Variants in ING3 observed in about 807,000 individuals in gnomAD.
ING3 encodes inhibitor of growth family member 3.
In ING3, 6 loss-of-function variants were observed where a neutral mutation model predicts 64.8. That is an observed-to-expected ratio of 0.09 (90% CI 0.05 to 0.18). The LOEUF is 0.18. Ranked by LOEUF, ING3 falls within the 10% of genes least tolerant of loss-of-function variation. The pLI, the probability that ING3 is intolerant of heterozygous loss-of-function variation, is 1.00. For missense variants in ING3, 310 were observed against 489.7 expected, an observed-to-expected ratio of 0.63 and a Z score of 3.46; for synonymous variants, 170 against 173.7, an observed-to-expected ratio of 0.98 and a Z score of 0.17.
chr7:120,964,968 G>A lies in ING3; in HGVS notation c.364+130G>A, dbSNP rs376308125. ...TGGTGGCATCCAGGCCAGATAGCTT[G>A]GACCCTAACAGTTGGAAATGTTTGG... On this transcript the variant is annotated intron_variant, in intron 5 of 11. Coordinates refer to ENST00000315870, the MANE Select transcript of ING3 (RefSeq NM_019071.3). 27 of 658,582 alleles carry A rather than the reference G, an allele frequency of 4.1e-5. No individual in the cohort carries two copies. The East Asian group carries it at 4.9e-4, about 12-fold the overall frequency. 40.8% of individuals were successfully genotyped at this position (658,582 alleles called of 1,614,324 possible).
chr7:120,973,948 C>G (rs561210473), intron 11 of ING3, among the ~76,000 whole-genome samples: 5 of 152,132 alleles, frequency 3.3e-5, no homozygotes, highest in African/African-American at 9.7e-5. Context: ...AAAATGTGTA[C>G]TTTTCCTAGA....
At position 120,966,757 on chromosome 7, in the gene ING3, A is replaced by G. The variant is rs567918576; in HGVS notation, c.436+60A>G. 8 of 1,182,330 alleles carry G rather than the reference A, an allele frequency of 6.8e-6. No individual in the cohort carries two copies. The East Asian group carries it at 7.0e-5, about 10-fold the overall frequency. The allele number at this position is 1,182,330 out of a possible 1,614,324, so 73.2% of individuals were successfully genotyped here. A position where few individuals can be genotyped will look rare whatever the true frequency, so the allele number is the denominator to read the frequency against. On this transcript the variant is annotated intron_variant, in intron 6 of 11. Transcript: ENST00000315870. ...CAATGAAAACCTTATTATATCACCT[A>G]TATGTTCTCTTTTTTTAACTCTACA...
chr7:120,961,739 T>C (rs1247321943), intron 4 of ING3, among the ~76,000 whole-genome samples: 2 of 152,170 alleles, frequency 1.3e-5, no homozygotes, highest in African/African-American at 2.4e-5. Flanking sequence ...CTAGAAAAAT[T>C]ATAGGAGTTT....
intron 4 of ING3, among the ~76,000 whole-genome samples, chr7:120,959,041 T>C (rs954849951): frequency 3.3e-5 from 5 of 152,252 alleles, no homozygotes; most frequent in Non-Finnish European, 7.3e-5. Flanking sequence ...CCATTCGTTT[T>C]GTCTTGCCAT....
chr7:120,974,799 A>T lies in ING3; in HGVS notation c.1212A>T (p.Pro404=). Residue 404 remains proline (P), a synonymous_variant, in exon 12 of 12, where the codon CCA becomes CCT. Transcript: ENST00000315870. ...TEAPKGKWYC[P]QCTAAMKRRG... ...CACCAAAAGGCAAATGGTACTGTCC[A>T]CAGTGCACTGCTGCAATGAAGAGAA... 6.2e-7 allele frequency: 1 copy of T among 1,612,892 alleles called. No homozygotes were observed. Among genetic ancestry groups the T allele is most frequent in the Non-Finnish European group, 8.5e-7 (1 of 1,179,102 alleles).
chr7:120,970,612 T>C, intron 9 of ING3, 76 bp from the exon 10 acceptor site: 1 of 1,405,000 alleles, frequency 7.1e-7, no homozygotes. Flanking sequence ...CATTTCATTT[T>C]ATACTATTTA....
intron 3 of ING3, 88 bp from the exon 4 acceptor site, chr7:120,955,471 T>TA (rs1313185342): frequency 1.2e-6 from 1 of 862,674 alleles, no homozygotes; most frequent in Non-Finnish European, 1.8e-6. Flanking sequence ...GATAACAAGA[T>TA]ATGATAATGA....
In ING3 at chr7:120,969,884, C is replaced by T. The variant is rs377696958; in HGVS notation, c.908+680C>T. ...TTTTGTGAATTAATCCCTTAAAGAA[C>T]GATCAATATGAAATAACCACAACAG... On this transcript the variant is annotated intron_variant, in intron 9 of 11. Transcript: ENST00000315870. Among the ~76,000 whole-genome samples the T allele has an allele frequency of 1.3e-3, 204 of 152,076 alleles. 4 individuals carry two copies. In the South Asian group the frequency reaches 0.04, roughly 30 times the overall value.
chr7:120,968,587 G>A (rs1796027089), intron 8 of ING3, among the ~76,000 whole-genome samples: 1 of 152,152 alleles, frequency 6.6e-6, no homozygotes, highest in African/African-American at 2.4e-5. Context: ...ACTCACACCT[G>A]TAATCCCAGC....
intron 4 of ING3, chr7:120,956,336 T>C: frequency 7.2e-7 from 1 of 1,394,756 alleles, no homozygotes. Flanking sequence ...AAACACATGC[T>C]CACTTTTGGC....
chr7:120,951,515 T>G (rs1795765220), intron 2 of ING3, among the ~76,000 whole-genome samples: 1 of 152,242 alleles, frequency 6.6e-6, no homozygotes, highest in African/African-American at 2.4e-5. Context: ...GTCATTGACA[T>G]AGTTATCTAT....
At chr7:120,951,004 C>T in intron 1 of ING3, 80 bp downstream of exon 1, 1 of 575,384 alleles carries the variant, frequency 1.7e-6, no homozygotes, top group Non-Finnish European at 3.3e-6. Flanking sequence ...AGCGAGATGG[C>T]GGGAGGGAGG....
chr7:120,973,888 T>G lies in ING3; in HGVS notation c.1140+645T>G, dbSNP rs75919053. Among the ~76,000 whole-genome samples, 698 of 152,232 alleles carry G rather than the reference T, an allele frequency of 4.6e-3. 5 individuals are homozygous for G. The highest frequency in any genetic ancestry group is 0.016 in the African/African-American group (657 of 41,554). On this transcript the variant is annotated intron_variant, in intron 11 of 11. Coordinates refer to ENST00000315870, the MANE Select transcript of ING3 (RefSeq NM_019071.3). ...ACAGGATCCTAAGATTAACAAGAGT[T>G]TTAAATTTGTAAAACAATCTGAAGA...
intron 4 of ING3, chr7:120,956,131 A>G (rs1342019875): frequency 1.3e-6 from 2 of 1,518,924 alleles, no homozygotes; most frequent in African/African-American, 2.7e-5. Flanking sequence ...ACAAGATGAC[A>G]AACTTTAAAC....
At chr7:120,963,416 G>C (rs1027972636) in intron 4 of ING3, among the ~76,000 whole-genome samples, 9 of 151,398 alleles carry the variant, frequency 5.9e-5, no homozygotes, top group Admixed American at 2.0e-4. Flanking sequence ...TTTTATACTT[G>C]AGTTATATTA....
intron 4 of ING3, chr7:120,956,017 T>A: frequency 1.5e-6 from 1 of 660,020 alleles, no homozygotes; most frequent in Non-Finnish European, 2.7e-6. Context: ...TTGACAAGAG[T>A]TCTTGGTAGT....
Position 120,972,215 on chromosome 7 carries a change from C to G in ING3, c.1102-990C>G, listed in dbSNP as rs191997801. On this transcript the variant is annotated intron_variant, in intron 10 of 11. Coordinates refer to ENST00000315870, the MANE Select transcript of ING3 (RefSeq NM_019071.3). ...TAGAAGGGCTTTCTCTTTGGCTCTT[C>G]TTTCTACAAAAAATTGTCTTGTATA... 4.1e-4 allele frequency among the ~76,000 whole-genome samples: 63 copies of G among 152,098 alleles called. 1 individual carries two copies. Among genetic ancestry groups the G allele is most frequent in the African/African-American group, 1.4e-3 (60 of 41,516 alleles).
chr7:120,971,399 C>A (rs1156556299), intron 10 of ING3, among the ~76,000 whole-genome samples: 2 of 152,170 alleles, frequency 1.3e-5, no homozygotes, highest in Non-Finnish European at 2.9e-5. Flanking sequence ...CTCATTTAAC[C>A]TTTACCACCT....
chr7:120,969,748 C>T (rs991298922), intron 9 of ING3, among the ~76,000 whole-genome samples: 4 of 152,000 alleles, frequency 2.6e-5, no homozygotes, highest in Non-Finnish European at 4.4e-5. Flanking sequence ...ACTGTCTATC[C>T]CAGGTAACTG....
Sources: allele counts gnomAD v4.1 joint callset (sites outside exome capture counted in the v4.1 genomes callset), GRCh38; gene constraint gnomAD v4.1.1; transcripts MANE v1.5; gene names NCBI Gene and HGNC (gene_info 2026-07-23, HGNC 2026-07-21).